COL6A1: variants seen among roughly 807,000 people sequenced by gnomAD.
COL6A1 encodes the protein collagen type VI alpha 1 chain, also known as collagen alpha-1(VI) chain.
COL6A1 carries 80 observed loss-of-function variants against 145.6 expected under a neutral mutation model. That is an observed-to-expected ratio of 0.55 (90% CI 0.46 to 0.66). The LOEUF is 0.66. Among genes scored for constraint, COL6A1 ranks in the 30% least tolerant of loss-of-function variants. COL6A1 has a pLI of 0.00. For synonymous variants in COL6A1, 638 were observed against 622.8 expected (o/e 1.02, Z -0.36); for missense variants, 1,364 against 1,473.8 (o/e 0.93, Z 1.22).
intron 33 of COL6A1, 76 bp from the exon 34 acceptor site, chr21:46,003,044 G>A: frequency 1.2e-6 from 2 of 1,607,210 alleles, no homozygotes; most frequent in East Asian, 2.2e-5. Flanking sequence ...GCTCGGCCGG[G>A]AGGTCCTGTG....
At chr21:45,997,116 G>A (rs1179894865) in intron 20 of COL6A1, among the ~76,000 whole-genome samples, 5 of 149,980 alleles carry the variant, frequency 3.3e-5, no homozygotes, top group Admixed American at 1.3e-4. Flanking sequence ...TCACCCTTCC[G>A]TGGGGGCCTG....
intron 3 of COL6A1, among the ~76,000 whole-genome samples, chr21:45,986,012 G>T (rs556696960): frequency 6.6e-6 from 1 of 152,338 alleles, no homozygotes; most frequent in African/African-American, 2.4e-5. Flanking sequence ...CCAGCAGGCT[G>T]CCCGACTGCC....
Position 45,992,635 on chromosome 21 carries a change from C to T in COL6A1, c.1273-113C>T. On this transcript the variant is annotated intron_variant, in intron 18 of 34. Transcript: ENST00000361866. ...GTGGGGCATGCGGTGGAGGGGTGGCCCCTCCCAGGGGTCCTGCTGGGGGAG... is the reference window on the plus strand; with the variant it reads ...GTGGGGCATGCGGTGGAGGGGTGGCTCCTCCCAGGGGTCCTGCTGGGGGAG... The T allele has an allele frequency of 5.9e-6, 7 of 1,184,354 alleles. No individual in the cohort carries two copies. The South Asian group carries it at 8.3e-5, about 14-fold the overall frequency. The allele number at this position is 1,184,354 out of a possible 1,614,324, so 73.4% of individuals were successfully genotyped here. A position where few individuals can be genotyped will look rare whatever the true frequency, so the allele number is the denominator to read the frequency against.
At position 46,004,103 on chromosome 21, in the gene COL6A1, C is replaced by G. The variant is rs1340533217; in HGVS notation, c.*90C>G. The G allele has an allele frequency of 6.5e-7, 1 of 1,528,542 alleles. No individual in the cohort carries two copies. Among genetic ancestry groups the G allele is most frequent in the African/African-American group, 1.4e-5 (1 of 73,054 alleles). The allele number at this position is 1,528,542 out of a possible 1,614,324, so 94.7% of individuals were successfully genotyped here. On this transcript the variant is annotated 3_prime_UTR_variant, in exon 35 of 35. Coordinates refer to ENST00000361866, the MANE Select transcript of COL6A1 (RefSeq NM_001848.3). Reference sequence around the variant, plus strand: ...TAAAATGTGATGCGAATTTTCCCGACCAACCTGATTCGCTAGATTTTTTTT... The same window carrying G: ...TAAAATGTGATGCGAATTTTCCCGAGCAACCTGATTCGCTAGATTTTTTTT...
At position 46,001,971 on chromosome 21, in the gene COL6A1, G is replaced by C; in HGVS notation, c.1967G>C (p.Gly656Ala). The C allele has an allele frequency of 6.2e-7, 1 of 1,612,394 alleles. No individual in the cohort carries two copies. Among genetic ancestry groups the C allele is most frequent in the Non-Finnish European group, 8.5e-7 (1 of 1,179,840 alleles). ...GTGCCGGTCCCACAGTTCGAGCCAG[G>C]GCAGTCGTACGCGGGTGTGGTGCAG... Reference protein sequence around the residue: ...SRDELVKFEPGQSYAGVVQYS... With the variant: ...SRDELVKFEPAQSYAGVVQYS... The change falls in exon 31 of 35, where the codon GGG (glycine) becomes GCG (alanine). Residue 656 changes from glycine (G) to alanine (A), a missense_variant. Transcript: ENST00000361866.
Position 45,981,965 on chromosome 21 carries a change from G to C in COL6A1, c.97+18G>C, listed in dbSNP as rs2077709579. The C allele has an allele frequency of 6.3e-7, 1 of 1,585,444 alleles. No homozygotes were observed. Among genetic ancestry groups the C allele is most frequent in the Admixed American group, 1.7e-5 (1 of 58,484 alleles). On this transcript the variant is annotated intron_variant, in intron 1 of 34. Transcript: ENST00000361866. ...CTTCCAGGGTGAGTGGTGGCTTGGG[G>C]TGCAGGCTCCAGACCCCCCGCTCTT...
In COL6A1 at chr21:46,004,272, G is replaced by T; in HGVS notation, c.*259G>T. 1 of 577,050 alleles carries T rather than the reference G, an allele frequency of 1.7e-6. No individual in the cohort carries two copies. Among genetic ancestry groups the T allele is most frequent in the Admixed American group, 3.2e-5 (1 of 31,278 alleles). 35.7% of individuals were successfully genotyped at this position (577,050 alleles called of 1,614,324 possible). On this transcript the variant is annotated 3_prime_UTR_variant, in exon 35 of 35. Coordinates refer to ENST00000361866, the MANE Select transcript of COL6A1 (RefSeq NM_001848.3). ...TAGTGTCACCTGCACAGGGCCCTCT[G>T]AGGCTCAGCCCTGAGCTGGCGTCAC...
intron 2 of COL6A1, among the ~76,000 whole-genome samples, chr21:45,983,116 C>T (rs1175429493): frequency 1.3e-5 from 2 of 152,248 alleles, no homozygotes; most frequent in Non-Finnish European, 2.9e-5. Flanking sequence ...GGCCCAGACA[C>T]GCAGTCCTGC....
intron 19 of COL6A1, among the ~76,000 whole-genome samples, chr21:45,993,078 C>T (rs1178160796): frequency 2.0e-5 from 3 of 152,250 alleles, no homozygotes; most frequent in South Asian, 2.1e-4. Context: ...TTTCTGCATC[C>T]GAGCTTGGGT....
At chr21:45,991,246 GC>G (rs1205354473) in intron 15 of COL6A1, among the ~76,000 whole-genome samples, 1 of 152,216 alleles carries the variant, frequency 6.6e-6, no homozygotes, top group Non-Finnish European at 1.5e-5. Flanking sequence ...TGGCGCTCCC[GC>G]CCAGAGCCTT....
rs1197601956 is a variant in COL6A1, at chr21:46,003,386, C to T, written c.2465-5C>T. 25 of 1,600,060 alleles carry T rather than the reference C, an allele frequency of 1.6e-5. No individual in the cohort carries two copies. Among genetic ancestry groups the T allele is most frequent in the South Asian group, 3.3e-5 (3 of 91,054 alleles). The stretch of plus-strand genomic sequence containing the variant: ...ATGCTAACGGCTGCCCACCCCGCCC[C>T]GCAGTCACGTTCTCCTCCCCGGCTG... On this transcript the variant is annotated splice_region_variant and splice_polypyrimidine_tract_variant and intron_variant, in intron 34 of 34. Transcript: ENST00000361866.
rs113510334 is a variant in COL6A1, at chr21:45,986,942, A to G, written c.589-2A>G. 2 of 1,547,420 alleles carry G rather than the reference A, an allele frequency of 1.3e-6. No homozygotes were observed. The highest frequency in any genetic ancestry group is 1.7e-6 in the Non-Finnish European group (2 of 1,150,000). On this transcript the variant is annotated splice_acceptor_variant, in intron 4 of 34. Coordinates refer to ENST00000361866, the MANE Select transcript of COL6A1 (RefSeq NM_001848.3). LOFTEE classifies it high-confidence loss of function. ...TCAGCCCACCCTGAACACTGCCCCC[A>G]GGAGCCGCGTCTGAGCATCATCGCC...
intron 8 of COL6A1, among the ~76,000 whole-genome samples, chr21:45,988,490 G>A (rs915642144): frequency 4.0e-5 from 6 of 151,828 alleles, no homozygotes; most frequent in Admixed American, 2.6e-4. Flanking sequence ...AAGGGACGGC[G>A]GGGTCCAGCA....
chr21:45,986,432 GT>G, intron 3 of COL6A1, 93 bp from the exon 4 acceptor site: 1 of 1,309,682 alleles, frequency 7.6e-7, no homozygotes, highest in African/African-American at 1.5e-5. Flanking sequence ...GCTCCTCCCG[GT>G]GAGACAGGGA....
At chr21:45,992,921 C>T (rs768230353) in intron 19 of COL6A1, 111 bp downstream of exon 19, 86 of 998,694 alleles carry the variant, frequency 8.6e-5, no homozygotes, top group Non-Finnish European at 1.2e-4. Context: ...CCTGTGGCCC[C>T]TCAACGTGGC....
Position 45,998,149 on chromosome 21 carries a change from C to A in COL6A1, c.1553C>A (p.Thr518Asn), listed in dbSNP as rs201935658. The A allele has an allele frequency of 8.2e-5, 133 of 1,612,348 alleles. No individual in the cohort carries two copies. Among genetic ancestry groups the A allele is most frequent in the Non-Finnish European group, 9.6e-5 (113 of 1,179,794 alleles). ...GAAGACGGCCCCGCTGGAAATGGCA[C>A]CGAGGGCTTCCCCGGCTTCCCCGTA... Reference protein sequence around the residue: ...RGEDGPAGNGTEGFPGFPGYP... With the variant: ...RGEDGPAGNGNEGFPGFPGYP... Residue 518 changes from threonine to asparagine, a missense_variant, in exon 23 of 35, where the codon ACC (threonine) becomes AAC (asparagine). Thr to Asn is a moderately conservative substitution (Grantham distance 65). This residue lies in a region of COL6A1 where 938 missense variants were observed against 1,003.8 expected (regional missense o/e 0.93). Coordinates refer to ENST00000361866, the MANE Select transcript of COL6A1 (RefSeq NM_001848.3).
chr21:45,987,762 C>T (rs1269325482), intron 8 of COL6A1, 108 bp downstream of exon 8: 59 of 1,213,364 alleles, frequency 4.9e-5, no homozygotes, highest in South Asian at 2.2e-4. Flanking sequence ...CCAGAGGGGA[C>T]GGCGGGGGTC....
chr21:45,992,530 C>A, intron 18 of COL6A1, 132 bp downstream of exon 18: 1 of 1,192,944 alleles, frequency 8.4e-7, no homozygotes, highest in South Asian at 1.4e-5. Flanking sequence ...GTTTCTTCAC[C>A]CACACGTCCA....
In COL6A1 at chr21:45,990,786, A is replaced by G; in HGVS notation, c.1016A>G (p.Tyr339Cys). 1 of 1,613,310 alleles carries G rather than the reference A, an allele frequency of 6.2e-7. No individual in the cohort carries two copies. Among genetic ancestry groups the G allele is most frequent in the Non-Finnish European group, 8.5e-7 (1 of 1,179,980 alleles). The change falls in exon 14 of 35, where the codon TAC becomes TGC. Residue 339 changes from tyrosine to cysteine, a missense_variant. Physicochemically the swap from Tyr to Cys is radical, Grantham distance 194. Around this residue, in one of 3 missense-constraint regions of COL6A1, gnomAD observed 938 missense variants for 1,003.8 expected, o/e 0.93. Coordinates refer to ENST00000361866, the MANE Select transcript of COL6A1 (RefSeq NM_001848.3). ...TCCTCTTTCCAGGGGGAGATGGGGTACCCAGGCCTGCCAGGCTGCAAGGGC... is the reference window on the plus strand; with the variant it reads ...TCCTCTTTCCAGGGGGAGATGGGGTGCCCAGGCCTGCCAGGCTGCAAGGGC... ...GVDGVKGEMG[Y>C]PGLPGCKGSP...
Sources: allele counts gnomAD v4.1 joint callset (sites outside exome capture counted in the v4.1 genomes callset), GRCh38; gene constraint gnomAD v4.1.1; regional missense constraint gnomAD v4.1.1; transcripts MANE v1.5; gene names NCBI Gene and HGNC (gene_info 2026-07-23, HGNC 2026-07-21).